FAT3: variants seen among roughly 807,000 people sequenced by gnomAD.
The protein encoded by FAT3 is FAT atypical cadherin 3.
Under a neutral mutation model 310.2 loss-of-function variants are expected in FAT3, and 95 were observed. The observed-to-expected ratio is 0.31, with a 90% CI of 0.26 to 0.36. FAT3 has a LOEUF of 0.36. Ranked by LOEUF, FAT3 falls within the 10% of genes least tolerant of loss-of-function variation. FAT3 has a pLI of 1.00. For missense variants in FAT3, 5,408 were observed against 5,715.6 expected, an observed-to-expected ratio of 0.95 and a Z score of 1.74; for synonymous variants, 2,314 against 2,192.9, an observed-to-expected ratio of 1.06 and a Z score of -1.54.
chr11:92,379,284 G>A (rs1462936163), intron 2 of FAT3, among the ~76,000 whole-genome samples: 1 of 152,136 alleles, frequency 6.6e-6, no homozygotes, highest in Non-Finnish European at 1.5e-5. Flanking sequence ...CACTTTTCTC[G>A]ATCCAAAATA....
chr11:92,824,104 C>G (rs1280275549), intron 13 of FAT3, among the ~76,000 whole-genome samples: 1 of 152,100 alleles, frequency 6.6e-6, no homozygotes, highest in African/African-American at 2.4e-5. Flanking sequence ...CCCCTGTAAT[C>G]CCAACACTTT....
chr11:92,790,666 G>T (rs1947018836), intron 8 of FAT3, among the ~76,000 whole-genome samples: 1 of 152,268 alleles, frequency 6.6e-6, no homozygotes, highest in East Asian at 1.9e-4. Context: ...TATTGTACTG[G>T]CACTGGACCT....
chr11:92,579,464 A>G (rs1024872436), intron 3 of FAT3, among the ~76,000 whole-genome samples: 5 of 152,146 alleles, frequency 3.3e-5, no homozygotes, highest in Admixed American at 3.3e-4. Flanking sequence ...TTCTGGAGAT[A>G]TATTCAATAA....
intron 1 of FAT3, among the ~76,000 whole-genome samples, chr11:92,286,928 C>G (rs1458211): frequency 2.6e-5 from 4 of 152,026 alleles, no homozygotes; most frequent in Non-Finnish European, 5.9e-5. Context: ...CTTTAAGAAG[C>G]TGCCCTTTGA....
intron 13 of FAT3, 48 bp downstream of exon 13, chr11:92,810,124 T>G (rs762556976): frequency 1.3e-6 from 2 of 1,522,648 alleles, no homozygotes; most frequent in Non-Finnish European, 1.8e-6. Context: ...ACACTTTGTC[T>G]TCAGGTGCTG....
In FAT3 at chr11:92,884,594, A is replaced by C. The variant is rs1949758302; in HGVS notation, c.12937+1201A>C. On this transcript the variant is annotated intron_variant, in intron 24 of 27. Coordinates refer to ENST00000525166, the MANE Select transcript of FAT3 (RefSeq NM_001367949.2). ...ACAGGAAGTTTTCAGATGGAGCTAGAGACCATGGGCAGCCAGGGAGATAAA... is the reference window on the plus strand; with the variant it reads ...ACAGGAAGTTTTCAGATGGAGCTAGCGACCATGGGCAGCCAGGGAGATAAA... 3.3e-5 allele frequency among the ~76,000 whole-genome samples: 5 copies of C among 152,342 alleles called. No homozygotes were observed. In the South Asian group the frequency reaches 1.0e-3, roughly 32 times the overall value.
At chr11:92,538,195 A>G (rs1224381366) in intron 3 of FAT3, among the ~76,000 whole-genome samples, 1 of 152,162 alleles carries the variant, frequency 6.6e-6, no homozygotes, top group Non-Finnish European at 1.5e-5. Flanking sequence ...TAAGTGTATT[A>G]TTCTATTTTA....
At chr11:92,719,765 T>C (rs2135969380) in intron 4 of FAT3, among the ~76,000 whole-genome samples, 1 of 151,800 alleles carries the variant, frequency 6.6e-6, no homozygotes, top group South Asian at 2.1e-4. Flanking sequence ...TGTGTGTGTG[T>C]GTGTGTATAA....
At chr11:92,846,311 A>G (rs1423313171) in intron 19 of FAT3, among the ~76,000 whole-genome samples, 1 of 152,068 alleles carries the variant, frequency 6.6e-6, no homozygotes, top group Non-Finnish European at 1.5e-5. Flanking sequence ...CTAGGCACTA[A>G]AGATTCAAAG....
At chr11:92,745,579 A>AG (rs139815278) in intron 4 of FAT3, among the ~76,000 whole-genome samples, 22,024 of 111,656 alleles carry the variant, frequency 0.2, 1,716 homozygotes, top group African/African-American at 0.29. Context: ...ACCTCTCTGC[A>AG]GGGAAAAAAA....
chr11:92,395,983 G>A (rs1271674005), intron 2 of FAT3, among the ~76,000 whole-genome samples: 2 of 152,054 alleles, frequency 1.3e-5, no homozygotes, highest in African/African-American at 4.8e-5. Context: ...TCATTTGGGT[G>A]TCTTTTCCCT....
At chr11:92,560,957 A>AAAAATGCC in intron 3 of FAT3, among the ~76,000 whole-genome samples, 1 of 152,218 alleles carries the variant, frequency 6.6e-6, no homozygotes, top group East Asian at 1.9e-4. Flanking sequence ...TTCATACTTT[A>AAAAATGCC]AAAATGCCAA....
intron 3 of FAT3, among the ~76,000 whole-genome samples, chr11:92,584,457 A>C (rs988813406): frequency 3.4e-5 from 5 of 148,996 alleles, no homozygotes; most frequent in African/African-American, 1.3e-4. Context: ...AAGGTTAAAG[A>C]AAAATATTTG....
chr11:92,523,096 A>G (rs1953739156), intron 2 of FAT3, among the ~76,000 whole-genome samples: 1 of 152,204 alleles, frequency 6.6e-6, no homozygotes, highest in Non-Finnish European at 1.5e-5. Flanking sequence ...TGGCAGTGTC[A>G]ACCCAGTTTA....
chr11:92,509,047 A>G (rs994066086), intron 2 of FAT3, among the ~76,000 whole-genome samples: 4 of 152,142 alleles, frequency 2.6e-5, no homozygotes, highest in African/African-American at 9.7e-5. Context: ...CATCAACATC[A>G]ATGATGTTTT....
intron 2 of FAT3, among the ~76,000 whole-genome samples, chr11:92,361,370 C>A (rs1176213970): frequency 2.6e-5 from 4 of 152,104 alleles, no homozygotes; most frequent in Non-Finnish European, 5.9e-5. Flanking sequence ...ACCCCTCCCC[C>A]ACCCCTCATA....
chr11:92,768,513 C>A (rs537857455), intron 6 of FAT3, among the ~76,000 whole-genome samples: 2 of 152,360 alleles, frequency 1.3e-5, no homozygotes, highest in Non-Finnish European at 2.9e-5. Flanking sequence ...CTGACAACAT[C>A]TTTCCCCTTC....
intron 1 of FAT3, among the ~76,000 whole-genome samples, chr11:92,282,462 C>T (rs1261364122): frequency 3.3e-5 from 5 of 151,936 alleles, no homozygotes; most frequent in African/African-American, 9.7e-5. Flanking sequence ...GTCAGGCGTT[C>T]GAGACCAGCC....
At position 92,394,646 on chromosome 11, in the gene FAT3, GA is replaced by G. The variant is rs556078733; in HGVS notation, c.3292+39252del. Reference sequence around the variant, plus strand: ...CTCAGTTTCCTGAGATACAAAAAAAGAAAAAAAAAACTTTATCAAAAAACTC... The same window carrying G: ...CTCAGTTTCCTGAGATACAAAAAAAGAAAAAAAAACTTTATCAAAAAACTC... On this transcript the variant is annotated intron_variant, in intron 2 of 27. Transcript: ENST00000525166. Among the ~76,000 whole-genome samples, 56 of 137,226 alleles carry G rather than the reference GA, an allele frequency of 4.1e-4. 1 individual carries two copies. Among genetic ancestry groups the G allele is most frequent in the East Asian group, 3.9e-3 (18 of 4,632 alleles). The allele number at this position is 137,226 out of a possible 152,430, so 90.0% of individuals were successfully genotyped here.
Sources: allele counts gnomAD v4.1 joint callset (sites outside exome capture counted in the v4.1 genomes callset), GRCh38; gene constraint gnomAD v4.1.1; transcripts MANE v1.5; gene names NCBI Gene and HGNC (gene_info 2026-07-23, HGNC 2026-07-21).